Variants in STIM1 observed in about 807,000 individuals in gnomAD.
STIM1 encodes stromal interaction molecule 1.
A neutral mutation model predicts 74.7 loss-of-function variants in STIM1; 25 were observed. The observed-to-expected ratio is 0.33, with a 90% CI of 0.24 to 0.47. The LOEUF (loss-of-function observed/expected upper bound fraction) is 0.47, where lower values mean the gene tolerates loss of function less well. STIM1 is among the 20% of genes least tolerant of loss of function. STIM1 has a pLI of 1.00. For missense variants in STIM1, 728 were observed against 920.8 expected, an observed-to-expected ratio of 0.79 and a Z score of 2.71; for synonymous variants, 328 against 348.8, an observed-to-expected ratio of 0.94 and a Z score of 0.66.
intron 1 of STIM1, among the ~76,000 whole-genome samples, chr11:3,895,976 C>T (rs1457161433): frequency 6.7e-6 from 1 of 149,892 alleles, no homozygotes; most frequent in Admixed American, 6.7e-5. Context: ...GCGATCTCGG[C>T]TCACTGCAAG....
intron 3 of STIM1, among the ~76,000 whole-genome samples, chr11:4,052,583 T>C (rs1310497484): frequency 1.3e-5 from 2 of 152,150 alleles, no homozygotes; most frequent in Non-Finnish European, 2.9e-5. Context: ...ATACAAAAAT[T>C]AATTCAAGAT....
chr11:4,052,347 G>C (rs1286195757), intron 3 of STIM1, among the ~76,000 whole-genome samples: 2 of 152,124 alleles, frequency 1.3e-5, no homozygotes, highest in South Asian at 2.1e-4. Context: ...ATACTACAAG[G>C]CTACAGTAAC....
chr11:4,073,423 A>G (rs910077172), intron 6 of STIM1, among the ~76,000 whole-genome samples: 5 of 152,268 alleles, frequency 3.3e-5, no homozygotes, highest in South Asian at 4.2e-4. Context: ...TTATATATCT[A>G]TATCTATCTC....
intron 9 of STIM1, 64 bp from the exon 10 acceptor site, chr11:4,083,199 G>A: frequency 6.6e-7 from 1 of 1,525,066 alleles, no homozygotes; most frequent in Non-Finnish European, 9.1e-7. Context: ...TCTGAGAAGA[G>A]GCTTCATTCC....
intron 1 of STIM1, among the ~76,000 whole-genome samples, chr11:3,941,164 A>G (rs994889247): frequency 1.3e-5 from 2 of 152,228 alleles, no homozygotes; most frequent in East Asian, 3.8e-4. Flanking sequence ...ATGAAACAAA[A>G]CTTTTACAAA....
intron 1 of STIM1, among the ~76,000 whole-genome samples, chr11:3,939,668 G>C (rs2092980717): frequency 6.6e-6 from 1 of 152,110 alleles, no homozygotes; most frequent in South Asian, 2.1e-4. Flanking sequence ...TAATTTACCT[G>C]TCCAGATTAC....
At chr11:4,068,675 G>A (rs775724067) in intron 5 of STIM1, among the ~76,000 whole-genome samples, 32 of 152,174 alleles carry the variant, frequency 2.1e-4, no homozygotes, top group Non-Finnish European at 4.1e-4. Context: ...AACATATGAA[G>A]GACATGGCCA....
At chr11:3,985,463 G>A (rs1275466990) in intron 2 of STIM1, among the ~76,000 whole-genome samples, 1 of 152,168 alleles carries the variant, frequency 6.6e-6, no homozygotes, top group Admixed American at 6.5e-5. Context: ...AGCCAAGGAA[G>A]TAGGGGCTGA....
chr11:3,945,329 C>T (rs2135631423), intron 1 of STIM1, among the ~76,000 whole-genome samples: 1 of 152,176 alleles, frequency 6.6e-6, no homozygotes, highest in East Asian at 1.9e-4. Context: ...GTAATCCCAG[C>T]ACTTTGGGAG....
rs1053641270 is a variant in STIM1 at position 4,066,946 on chromosome 11, C to G, written c.614-3080C>G. Among the ~76,000 whole-genome samples the G allele has an allele frequency of 3.3e-5, 5 of 152,184 alleles. No individual in the cohort carries two copies. The South Asian group carries it at 6.2e-4, about 19-fold the overall frequency. On this transcript the variant is annotated intron_variant, in intron 5 of 12. Transcript: ENST00000526596. The stretch of plus-strand genomic sequence containing the variant: ...CTTTTTCTACACAATGATTCATAGA[C>G]TCACTTAGTGGTGTGGGGTACAGCC...
rs1329625649 is a variant in STIM1, at chr11:4,010,191, G to A, written c.271-13682G>A. Among the ~76,000 whole-genome samples the A allele has an allele frequency of 3.6e-5, 5 of 139,062 alleles. No individual in the cohort carries two copies. In the East Asian group the frequency reaches 1.1e-3, roughly 30 times the overall value. The allele number at this position is 139,062 out of a possible 152,430, so 91.2% of individuals were successfully genotyped here. A position where few individuals can be genotyped will look rare whatever the true frequency, so the allele number is the denominator to read the frequency against. On this transcript the variant is annotated intron_variant, in intron 2 of 12. Transcript: ENST00000526596. ...TTTCTGATTTTTTTTTTTTTTTTGA[G>A]ACAGAGTCTGGCCTTGTCATCCAGG...
chr11:3,910,128 A>C (rs1208150586), intron 1 of STIM1, among the ~76,000 whole-genome samples: 1 of 152,170 alleles, frequency 6.6e-6, no homozygotes, highest in African/African-American at 2.4e-5. Flanking sequence ...AGCAGATGCC[A>C]GATTATAGAG....
intron 1 of STIM1, among the ~76,000 whole-genome samples, chr11:3,904,405 A>G (rs934717571): frequency 6.6e-5 from 10 of 151,802 alleles, no homozygotes; most frequent in Non-Finnish European, 1.5e-4. Context: ...GGAGTGTTGG[A>G]CTACTTGGAG....
intron 2 of STIM1, among the ~76,000 whole-genome samples, chr11:3,979,021 G>A (rs1406195204): frequency 6.6e-6 from 1 of 152,072 alleles, no homozygotes; most frequent in Admixed American, 6.5e-5. Context: ...AAACTCTGAG[G>A]GGAGCAGTCA....
chr11:4,066,948 C>T (rs762550941), intron 5 of STIM1, among the ~76,000 whole-genome samples: 2 of 152,176 alleles, frequency 1.3e-5, no homozygotes, highest in African/African-American at 4.8e-5. Context: ...TTCATAGACT[C>T]ACTTAGTGGT....
At position 4,023,977 on chromosome 11, in the gene STIM1, G is replaced by A. The variant is rs1415671081; in HGVS notation, c.375G>A (p.Lys125=). Residue 125 remains lysine, a synonymous_variant, in exon 3 of 13, where the codon AAG becomes AAA. Transcript: ENST00000526596. The part of the protein sequence containing the change: ...ISVEDLWKAW[K]SSEVYNWTVD... ...TGGAGGACCTGTGGAAGGCATGGAA[G>A]TCATCAGAAGGTAATAGGCAGCCTG... The A allele has an allele frequency of 1.2e-6, 2 of 1,613,786 alleles. No individual in the cohort carries two copies. Among genetic ancestry groups the A allele is most frequent in the East Asian group, 4.5e-5 (2 of 44,894 alleles).
chr11:3,909,225 G>A (rs941466869), intron 1 of STIM1, among the ~76,000 whole-genome samples: 35 of 152,202 alleles, frequency 2.3e-4, no homozygotes, highest in African/African-American at 7.0e-4. Context: ...ACTGGGGTCA[G>A]TGATGTCTCC....
At position 3,856,209 on chromosome 11, in the gene STIM1, G is replaced by A; in HGVS notation, c.-62G>A. 2 of 1,610,428 alleles carry A rather than the reference G, an allele frequency of 1.2e-6. No individual in the cohort carries two copies. Among genetic ancestry groups the A allele is most frequent in the South Asian group, 1.1e-5 (1 of 91,006 alleles). ...CCGTCGGCTGCACTCCCGGGCTCCTGGCTTTGCCTCTGGGATCCCGAGGTG... is the reference window on the plus strand; with the variant it reads ...CCGTCGGCTGCACTCCCGGGCTCCTAGCTTTGCCTCTGGGATCCCGAGGTG... On this transcript the variant is annotated 5_prime_UTR_variant, in exon 1 of 13. Coordinates refer to ENST00000526596, the MANE Select transcript of STIM1 (RefSeq NM_001382567.1).
At chr11:3,976,262 C>T (rs973086211) in intron 2 of STIM1, among the ~76,000 whole-genome samples, 1 of 152,252 alleles carries the variant, frequency 6.6e-6, no homozygotes. Flanking sequence ...AGGCATTATC[C>T]GAGGGAAAGA....
Sources: allele counts gnomAD v4.1 joint callset (sites outside exome capture counted in the v4.1 genomes callset), GRCh38; gene constraint gnomAD v4.1.1; transcripts MANE v1.5; gene names NCBI Gene and HGNC (gene_info 2026-07-23, HGNC 2026-07-21).